The following ARHGAP35 variants were observed in gnomAD, a reference collection of about 807,000 sequenced individuals.
ARHGAP35 encodes the protein rho GTPase-activating protein 35.
Under a neutral mutation model 111.1 loss-of-function variants are expected in ARHGAP35, and 15 were observed. The ratio of observed to expected loss-of-function variants is 0.13; its 90% CI spans 0.09 to 0.21. The LOEUF is 0.21. Ranked by LOEUF, ARHGAP35 falls within the 10% of genes least tolerant of loss-of-function variation. The pLI, the probability that ARHGAP35 is intolerant of heterozygous loss-of-function variation, is 1.00. For missense variants in ARHGAP35, 1,262 were observed against 1,873.0 expected (o/e 0.67, Z 6.02); for synonymous variants, 643 against 710.3 (o/e 0.91, Z 1.51).
chr19:46,935,889 A>G (rs1713735061), intron 2 of ARHGAP35, among the ~76,000 whole-genome samples: 1 of 152,230 alleles, frequency 6.6e-6, no homozygotes, highest in South Asian at 2.1e-4. Flanking sequence ...CTTTTGAGGC[A>G]GAGTATCTCA....
Position 46,999,088 on chromosome 19 carries a change from C to A in ARHGAP35, c.4037-216C>A. On this transcript the variant is annotated intron_variant, in intron 5 of 6. Transcript: ENST00000672722. The surrounding 1 kb of genome is among the most constrained non-coding windows in gnomAD (Gnocchi z 5.4). ...GCCCCAGGCACACAGTGCCGCCCTTCAGCGGGGGCCTGGGACACAGAGGTG... is the reference window on the plus strand; with the variant it reads ...GCCCCAGGCACACAGTGCCGCCCTTAAGCGGGGGCCTGGGACACAGAGGTG... 1.8e-6 allele frequency: 1 copy of A among 556,934 alleles called. No individual in the cohort carries two copies. 34.5% of individuals were successfully genotyped at this position (556,934 alleles called of 1,614,324 possible). A position where few individuals can be genotyped will look rare whatever the true frequency, so the allele number is the denominator to read the frequency against.
intron 3 of ARHGAP35, among the ~76,000 whole-genome samples, chr19:46,983,940 C>T (rs2122327419): frequency 6.6e-6 from 1 of 152,286 alleles, no homozygotes; most frequent in Middle Eastern, 3.4e-3. Context: ...TTGATTGTAG[C>T]TCTGTCCCCT....
Position 46,999,065 on chromosome 19 carries a change from C to T in ARHGAP35, c.4037-239C>T. ...TCTTGGGTGGTGGGGGCCAGGAAGC[C>T]CCAGGCACACAGTGCCGCCCTTCAG... is the stretch of plus-strand genomic sequence containing the variant. On this transcript the variant is annotated intron_variant, in intron 5 of 6. Transcript: ENST00000672722. The surrounding 1 kb of genome is among the most constrained non-coding windows in gnomAD (Gnocchi z 5.4). The T allele has an allele frequency of 1.9e-6, 1 of 526,114 alleles. No homozygotes were observed. Among genetic ancestry groups the T allele is most frequent in the Non-Finnish European group, 3.4e-6 (1 of 295,738 alleles). 32.6% of individuals were successfully genotyped at this position (526,114 alleles called of 1,614,324 possible).
rs141642618 is a variant in ARHGAP35, at chr19:46,878,376, G to A, written c.-189+17167G>A. 7.4e-3 allele frequency among the ~76,000 whole-genome samples: 1,125 copies of A among 151,978 alleles called. 20 individuals are homozygous for A. Among genetic ancestry groups the A allele is most frequent in the African/African-American group, 0.024 (996 of 41,422 alleles). ...CACTCTGTCACCCAGGCTGGGGTGC[G>A]GTGGTGCAGTCTCAGCTCACTGCAA... is the stretch of plus-strand genomic sequence containing the variant. On this transcript the variant is annotated intron_variant, in intron 1 of 6. Transcript: ENST00000672722.
chr19:46,888,052 T>C (rs1179255250), intron 1 of ARHGAP35, among the ~76,000 whole-genome samples: 1 of 150,014 alleles, frequency 6.7e-6, no homozygotes, highest in Non-Finnish European at 1.5e-5. Context: ...CCTGGGTTCA[T>C]GCCATTCTCC....
In ARHGAP35 at chr19:46,992,316, C is replaced by G. The variant is rs1251548301; in HGVS notation, c.4036+2641C>G. Among the ~76,000 whole-genome samples, 1 of 152,150 alleles carries G rather than the reference C, an allele frequency of 6.6e-6. No homozygotes were observed. The highest frequency in any genetic ancestry group is 1.9e-4 in the East Asian group (1 of 5,194). On this transcript the variant is annotated intron_variant, in intron 5 of 6. Transcript: ENST00000672722. This position sits in a 1 kb window ranked among gnomAD's most constrained non-coding sequence, Gnocchi z 4.4. ...GGAGTGGCAAGCCGGGGCTTGAGTCCCTGCGTACGTGGGTGCAAATGAAGT... is the reference window on the plus strand; with the variant it reads ...GGAGTGGCAAGCCGGGGCTTGAGTCGCTGCGTACGTGGGTGCAAATGAAGT...
At chr19:46,888,932 G>A (rs984863776) in intron 1 of ARHGAP35, among the ~76,000 whole-genome samples, 6 of 151,252 alleles carry the variant, frequency 4.0e-5, no homozygotes, top group African/African-American at 1.5e-4. Flanking sequence ...TCACTGGGGT[G>A]GAGGTTGCAG....
chr19:46,894,447 T>G (rs1232875302), intron 1 of ARHGAP35, among the ~76,000 whole-genome samples: 8 of 25,558 alleles, frequency 3.1e-4, no homozygotes, highest in Middle Eastern at 0.071. Context: ...GTTTTTTGGT[T>G]TTTTTTTTTT....
In ARHGAP35 at chr19:46,993,138, G is replaced by A. The variant is rs1194043916; in HGVS notation, c.4036+3463G>A. Among the ~76,000 whole-genome samples, 1 of 152,232 alleles carries A rather than the reference G, an allele frequency of 6.6e-6. No homozygotes were observed. The highest frequency in any genetic ancestry group is 1.5e-5 in the Non-Finnish European group (1 of 68,038). ...AGGACATTCAACAGGTGATTGCAAA[G>A]CCGTGTCTCCAGGGGAAGGACAGCT... is the stretch of plus-strand genomic sequence containing the variant. On this transcript the variant is annotated intron_variant, in intron 5 of 6. Transcript: ENST00000672722. The surrounding 1 kb of genome is among the most constrained non-coding windows in gnomAD (Gnocchi z 4.6).
rs2056004316 is a variant in ARHGAP35 at position 46,888,288 on chromosome 19, AT to A, written c.-189+27080del. Reference sequence around the variant, plus strand: ...TATATATATATATATATATATATATATATATATATATATATATATATATATA... The same window carrying A: ...TATATATATATATATATATATATATAATATATATATATATATATATATATA... On this transcript the variant is annotated intron_variant, in intron 1 of 6. Coordinates refer to ENST00000672722, the MANE Select transcript of ARHGAP35 (RefSeq NM_004491.5). Among the ~76,000 whole-genome samples the A allele has an allele frequency of 6.1e-4, 36 of 59,262 alleles. 2 individuals are homozygous for A. Among genetic ancestry groups the A allele is most frequent in the African/African-American group, 1.9e-3 (23 of 11,932 alleles). 38.9% of individuals were successfully genotyped at this position (59,262 alleles called of 152,430 possible). A position where few individuals can be genotyped will look rare whatever the true frequency, so the allele number is the denominator to read the frequency against.
intron 1 of ARHGAP35, among the ~76,000 whole-genome samples, chr19:46,863,484 C>G (rs2055840023): frequency 6.6e-6 from 1 of 152,106 alleles, no homozygotes; most frequent in South Asian, 2.1e-4. Flanking sequence ...CCCTTCCTAT[C>G]TCTGGGCTTT....
rs915917923 is a variant in ARHGAP35 at position 47,000,862 on chromosome 19, A to G, written c.*174A>G. The G allele has an allele frequency of 4.2e-5, 64 of 1,536,124 alleles. No individual in the cohort carries two copies. The highest frequency in any genetic ancestry group is 5.6e-5 in the Non-Finnish European group (64 of 1,146,606). ...CAATGGTACCATCGGCTGGGCTGCCAGGTACCCTGGGCCTGGCGCTGCAGA... is the reference window on the plus strand; with the variant it reads ...CAATGGTACCATCGGCTGGGCTGCCGGGTACCCTGGGCCTGGCGCTGCAGA... On this transcript the variant is annotated 3_prime_UTR_variant, in exon 7 of 7. Transcript: ENST00000672722. This position sits in a 1 kb window ranked among gnomAD's most constrained non-coding sequence, Gnocchi z 6.9.
intron 1 of ARHGAP35, among the ~76,000 whole-genome samples, chr19:46,912,537 T>TA (rs560925889): frequency 3.0e-4 from 45 of 151,934 alleles, no homozygotes; most frequent in African/African-American, 1.0e-3. Flanking sequence ...GTATTTTTTT[T>TA]AGTAGAGACA....
At chr19:46,933,623 C>A (rs956774866) in intron 2 of ARHGAP35, among the ~76,000 whole-genome samples, 1 of 152,136 alleles carries the variant, frequency 6.6e-6, no homozygotes, top group East Asian at 1.9e-4. Context: ...GTTTTTAATA[C>A]CCACACCCAC....
intron 3 of ARHGAP35, among the ~76,000 whole-genome samples, chr19:46,981,594 T>C (rs938661844): frequency 2.0e-5 from 3 of 152,168 alleles, no homozygotes; most frequent in Non-Finnish European, 4.4e-5. Context: ...AAAATCAGGA[T>C]ACCAGGAAAG....
At chr19:46,875,953 T>C (rs779434353) in intron 1 of ARHGAP35, among the ~76,000 whole-genome samples, 9 of 152,130 alleles carry the variant, frequency 5.9e-5, no homozygotes, top group Non-Finnish European at 1.3e-4. Context: ...ATAGCAGTTG[T>C]CCACATTTGT....
At position 47,001,727 on chromosome 19, in the gene ARHGAP35, G is replaced by A. The variant is rs778385768; in HGVS notation, c.*1039G>A. 8.5e-5 allele frequency: 27 copies of A among 318,142 alleles called. No homozygotes were observed. The highest frequency in any genetic ancestry group is 2.5e-4 in the East Asian group (3 of 12,150). 19.7% of individuals were successfully genotyped at this position (318,142 alleles called of 1,614,324 possible). ...ATAGAAACACTAATTGAGCATGTGC[G>A]TGGGGTGGGGGTGTGTGTGCACATG... On this transcript the variant is annotated 3_prime_UTR_variant, in exon 7 of 7. Transcript: ENST00000672722. The surrounding 1 kb of genome is among the most constrained non-coding windows in gnomAD (Gnocchi z 5.4).
rs2056207922 is a variant in ARHGAP35, at chr19:46,922,323, G to A, written c.3648G>A (p.Arg1216=). ...AAACAGACGAAGACCCGCGGAGGAG[G>A]AATATTCTTCGCAGCCTAAGGAGGA... ...PYETDEDPRR[R]NILRSLRRNT... The change falls in exon 2 of 7, where the codon AGG becomes AGA. Residue 1216 remains arginine, a synonymous_variant. Coordinates refer to ENST00000672722, the MANE Select transcript of ARHGAP35 (RefSeq NM_004491.5). The surrounding 1 kb of genome is among the most constrained non-coding windows in gnomAD (Gnocchi z 4.0). 6.2e-7 allele frequency: 1 copy of A among 1,610,630 alleles called. No homozygotes were observed. Among genetic ancestry groups the A allele is most frequent in the Non-Finnish European group, 8.5e-7 (1 of 1,178,344 alleles).
intron 1 of ARHGAP35, among the ~76,000 whole-genome samples, chr19:46,861,901 C>T (rs1378884099): frequency 7.7e-6 from 1 of 129,336 alleles, no homozygotes; most frequent in Non-Finnish European, 1.7e-5. Flanking sequence ...AATCCCGTTC[C>T]CTCGTGGGCC....
Sources: gnomAD v4.1 joint callset for allele counts (sites outside exome capture counted in the v4.1 genomes callset) on GRCh38, gnomAD v4.1.1 for gene constraint, Gnocchi (gnomAD v3.1) non-coding constraint, MANE v1.5 for transcripts, NCBI Gene and HGNC (gene_info 2026-07-23, HGNC 2026-07-21) for gene names.